The following ZBTB7B variants were observed in gnomAD, a reference collection of about 807,000 sequenced individuals.
The protein encoded by ZBTB7B is zinc finger and BTB domain-containing protein 7B.
ZBTB7B carries 8 observed loss-of-function variants against 31.0 expected under a neutral mutation model. The observed-to-expected ratio is 0.26, with a 90% confidence interval of 0.15 to 0.47. The LOEUF (loss-of-function observed/expected upper bound fraction) is 0.47. Ranked by LOEUF, ZBTB7B falls within the 20% of genes least tolerant of loss-of-function variation. The probability of loss-of-function intolerance (pLI) is 0.99; values close to 1 mark genes in which losing one functional copy is unlikely to be tolerated. For synonymous variants in ZBTB7B, 261 were observed against 307.3 expected, an observed-to-expected ratio of 0.85 and a Z score of 1.58; for missense variants, 494 against 742.4, an observed-to-expected ratio of 0.67 and a Z score of 3.89.
chr1:155,005,608 G>A (rs1045953069), intron 1 of ZBTB7B, among the ~76,000 whole-genome samples: 4 of 152,226 alleles, frequency 2.6e-5, no homozygotes, highest in Admixed American at 1.3e-4. Context: ...TCCTGCCTCT[G>A]CCCCGCTTGG....
Position 155,018,003 on chromosome 1 carries a change from G to A in ZBTB7B, c.*1318G>A, listed in dbSNP as rs1366149387. On this transcript the variant is annotated 3_prime_UTR_variant, in exon 3 of 3. Coordinates refer to ENST00000535420, the MANE Select transcript of ZBTB7B (RefSeq NM_001256455.2). ...ACTACCCAATTCTGCTGGGGGTGGG[G>A]GACACCCCCCCTTCCTCGCTGGGTG... is the stretch of plus-strand genomic sequence containing the variant. 2 of 157,870 alleles carry A rather than the reference G, an allele frequency of 1.3e-5. No individual in the cohort carries two copies. The highest frequency in any genetic ancestry group is 6.1e-5 in the Admixed American group (1 of 16,430). The allele number at this position is 157,870 out of a possible 1,614,324, so 9.8% of individuals were successfully genotyped here.
Position 155,017,074 on chromosome 1 carries a change from T to C in ZBTB7B, c.*389T>C. 5.5e-6 allele frequency: 1 copy of C among 183,168 alleles called. No individual in the cohort carries two copies. The highest frequency in any genetic ancestry group is 1.1e-5 in the Non-Finnish European group (1 of 87,516). The allele number at this position is 183,168 out of a possible 1,614,324, so 11.3% of individuals were successfully genotyped here. ...AGCCTTGCCCCGCCCCTATGCCCCT[T>C]GGGGGTTTTGGCTGTGTAAGGGGGT... On this transcript the variant is annotated 3_prime_UTR_variant, in exon 3 of 3. Transcript: ENST00000535420.
intron 1 of ZBTB7B, among the ~76,000 whole-genome samples, chr1:155,009,497 G>A (rs1473833936): frequency 6.6e-6 from 1 of 152,130 alleles, no homozygotes; most frequent in East Asian, 1.9e-4. Context: ...GCCAGAGTCT[G>A]TCCAAGTGGA....
rs1176622436 is a variant in ZBTB7B, at chr1:155,016,784, G to A, written c.*99G>A. On this transcript the variant is annotated 3_prime_UTR_variant, in exon 3 of 3. Transcript: ENST00000535420. The surrounding 1 kb of genome is among the most constrained non-coding windows in gnomAD (Gnocchi z 4.3). ...AGACACAGCAGGGGTCTGGGGCACGGAGCCTTGCTGGCATCAGCATCAGCC... is the reference window on the plus strand; with the variant it reads ...AGACACAGCAGGGGTCTGGGGCACGAAGCCTTGCTGGCATCAGCATCAGCC... 4.3e-6 allele frequency: 3 copies of A among 694,068 alleles called. No homozygotes were observed. Among genetic ancestry groups the A allele is most frequent in the African/African-American group, 1.8e-5 (1 of 55,316 alleles). The allele number at this position is 694,068 out of a possible 1,614,324, so 43.0% of individuals were successfully genotyped here. A position where few individuals can be genotyped will look rare whatever the true frequency, so the allele number is the denominator to read the frequency against.
chr1:155,017,362 G>GCTACT lies in ZBTB7B; in HGVS notation c.*677_*678insCTACT. On this transcript the variant is annotated 3_prime_UTR_variant, in exon 3 of 3. Transcript: ENST00000535420. ...CGCCTGCCCCTGGGGGCAGTAGAGG[G>GCTACT]GCCCCGCCCAGCTAGGGGAGCCGCT... 1 of 152,588 alleles carries GCTACT rather than the reference G, an allele frequency of 6.6e-6. No individual in the cohort carries two copies. Among genetic ancestry groups the GCTACT allele is most frequent in the South Asian group, 2.1e-4 (1 of 4,848 alleles). The allele number at this position is 152,588 out of a possible 1,614,324, so 9.5% of individuals were successfully genotyped here. A position where few individuals can be genotyped will look rare whatever the true frequency, so the allele number is the denominator to read the frequency against.
At chr1:155,011,039 G>C (rs1174816765) in intron 1 of ZBTB7B, 17 of 1,519,946 alleles carry the variant, frequency 1.1e-5, no homozygotes, top group Non-Finnish European at 1.4e-5. Context: ...AACCTGGGGA[G>C]GGGGGGCTCT....
At chr1:155,010,814 G>A (rs1217886912) in intron 1 of ZBTB7B, 2 of 936,934 alleles carry the variant, frequency 2.1e-6, no homozygotes, top group South Asian at 1.5e-5. Flanking sequence ...TTGGGGTGGG[G>A]GGGTGGAGGG....
chr1:155,002,988 C>T (rs1658329653), intron 1 of ZBTB7B, 45 bp downstream of exon 1: 1 of 152,804 alleles, frequency 6.5e-6, no homozygotes, highest in African/African-American at 2.4e-5. Context: ...GTTCACTAGG[C>T]TCGAGACTAC....
chr1:155,002,663 A>G (rs1434747386), upstream of ZBTB7B: 1 of 100,572 alleles, frequency 9.9e-6, no homozygotes, highest in Non-Finnish European at 1.9e-5. Flanking sequence ...AGCAAGCTGG[A>G]GGACAGGTGA....
chr1:155,017,048 A>C lies in ZBTB7B; in HGVS notation c.*363A>C. On this transcript the variant is annotated 3_prime_UTR_variant, in exon 3 of 3. Transcript: ENST00000535420. ...TCTAGGGGGTGGGGGCTTGGGACCA[A>C]AGCCTTGCCCCGCCCCTATGCCCCT... 4.9e-6 allele frequency: 1 copy of C among 203,784 alleles called. No homozygotes were observed. The highest frequency in any genetic ancestry group is 1.0e-5 in the Non-Finnish European group (1 of 100,172). The allele number at this position is 203,784 out of a possible 1,614,324, so 12.6% of individuals were successfully genotyped here. A position where few individuals can be genotyped will look rare whatever the true frequency, so the allele number is the denominator to read the frequency against.
rs564543361 is a variant in ZBTB7B at position 155,014,883 on chromosome 1, G to A, written c.223G>A (p.Gly75Arg). ...CGGTGGCGGAGCTGTCATGGGGGCC[G>A]GGGGTAGCGGGACGGCCACTGGGGG... The part of the protein sequence containing the change: ...EGGGGAVMGA[G>R]GSGTATGGAG... The change falls in exon 2 of 3, where the codon GGG becomes AGG. Residue 75 changes from glycine (G) to arginine (R), a missense_variant. Gly to Arg is a moderately radical substitution (Grantham distance 125, BLOSUM62 -2). Transcript: ENST00000535420. 12 of 1,613,950 alleles carry A rather than the reference G, an allele frequency of 7.4e-6. No individual in the cohort carries two copies. Among genetic ancestry groups the A allele is most frequent in the South Asian group, 5.5e-5 (5 of 91,086 alleles).
rs903500345 is a variant in ZBTB7B at position 155,003,518 on chromosome 1, G to A, written c.-7+575G>A. 1.3e-5 allele frequency among the ~76,000 whole-genome samples: 2 copies of A among 152,136 alleles called. No individual in the cohort carries two copies. The highest frequency in any genetic ancestry group is 4.8e-5 in the African/African-American group (2 of 41,418). On this transcript the variant is annotated intron_variant, in intron 1 of 2. Coordinates refer to ENST00000535420, the MANE Select transcript of ZBTB7B (RefSeq NM_001256455.2). This position sits in a 1 kb window ranked among gnomAD's most constrained non-coding sequence, Gnocchi z 5.8. ...AGCCGCGCTCTCTCCAGCGGTAGTG[G>A]GGCTCAGCAACAACCTCTGAACCGA...
chr1:155,009,719 C>T (rs917891186), intron 1 of ZBTB7B, among the ~76,000 whole-genome samples: 3 of 152,106 alleles, frequency 2.0e-5, no homozygotes, highest in Non-Finnish European at 2.9e-5. Flanking sequence ...GTGCCCTAAA[C>T]TCAACCATCT....
In ZBTB7B at chr1:155,016,264, G is replaced by A; in HGVS notation, c.1199G>A (p.Arg400His). 1 of 1,613,856 alleles carries A rather than the reference G, an allele frequency of 6.2e-7. No individual in the cohort carries two copies. The highest frequency in any genetic ancestry group is 8.5e-7 in the Non-Finnish European group (1 of 1,179,842). ...KIHMRKHTGE[R>H]PYSCPHCPAR... ...CACATGCGGAAGCACACGGGAGAGC[G>A]CCCCTACTCATGCCCGCACTGCCCA... The change falls in exon 3 of 3, where the codon CGC becomes CAC. Residue 400 changes from arginine to histidine, a missense_variant. Physicochemically the swap from Arg to His is conservative, Grantham distance 29 (BLOSUM62 0). Coordinates refer to ENST00000535420, the MANE Select transcript of ZBTB7B (RefSeq NM_001256455.2). The surrounding 1 kb of genome is among the most constrained non-coding windows in gnomAD (Gnocchi z 4.3).
At chr1:155,009,082 GA>G (rs545019085) in intron 1 of ZBTB7B, among the ~76,000 whole-genome samples, 68 of 152,364 alleles carry the variant, frequency 4.5e-4, no homozygotes, top group African/African-American at 1.4e-3. Context: ...AACAGGTCAG[GA>G]AGAGGGTGCC....
At position 155,004,335 on chromosome 1, in the gene ZBTB7B, A is replaced by C. The variant is rs2102269498; in HGVS notation, c.-7+1392A>C. Among the ~76,000 whole-genome samples the C allele has an allele frequency of 6.6e-6, 1 of 152,250 alleles. No individual in the cohort carries two copies. Among genetic ancestry groups the C allele is most frequent in the East Asian group, 1.9e-4 (1 of 5,190 alleles). On this transcript the variant is annotated intron_variant, in intron 1 of 2. Transcript: ENST00000535420. This position sits in a 1 kb window ranked among gnomAD's most constrained non-coding sequence, Gnocchi z 4.0. ...CAGCTATTCCCCCTTCCCCCAACTT[A>C]TTCCTGGAGGAGGGAGACCGCTTAT...
chr1:155,016,463 T>C lies in ZBTB7B; in HGVS notation c.1398T>C (p.Asp466=), dbSNP rs368972497. Residue 466 remains aspartate, a synonymous_variant, in exon 3 of 3, where the codon GAT becomes GAC. Transcript: ENST00000535420. This position sits in a 1 kb window ranked among gnomAD's most constrained non-coding sequence, Gnocchi z 4.3. ...GCACCCGACGGCGCCGCAAGGACGA[T>C]GCACCACCCCACTACCCACCACCCT... is the stretch of plus-strand genomic sequence containing the variant. The part of the protein sequence containing the change: ...EVRTRRRRKD[D]APPHYPPPST... 4.1e-5 allele frequency: 66 copies of C among 1,614,034 alleles called. No homozygotes were observed. Among genetic ancestry groups the C allele is most frequent in the Non-Finnish European group, 5.1e-5 (60 of 1,179,958 alleles).
chr1:155,002,729 A>C (rs2102263945), upstream of ZBTB7B: 1 of 117,784 alleles, frequency 8.5e-6, no homozygotes, highest in Non-Finnish European at 1.8e-5. Context: ...AGCCAGGTGA[A>C]TGTACGGCTC....
At position 155,014,882 on chromosome 1, in the gene ZBTB7B, C is replaced by T. The variant is rs761468772; in HGVS notation, c.222C>T (p.Ala74=). The change falls in exon 2 of 3, where the codon GCC becomes GCT. Residue 74 remains alanine (A), a synonymous_variant. Coordinates refer to ENST00000535420, the MANE Select transcript of ZBTB7B (RefSeq NM_001256455.2). ...GCGGTGGCGGAGCTGTCATGGGGGC[C>T]GGGGGTAGCGGGACGGCCACTGGGG... is the stretch of plus-strand genomic sequence containing the variant. ...TEGGGGAVMG[A]GGSGTATGGA... 7.4e-6 allele frequency: 12 copies of T among 1,613,832 alleles called. No homozygotes were observed. The highest frequency in any genetic ancestry group is 4.0e-5 in the African/African-American group (3 of 74,860).
Sources: gnomAD v4.1 joint callset for allele counts (sites outside exome capture counted in the v4.1 genomes callset) on GRCh38, gnomAD v4.1.1 for gene constraint, Gnocchi (gnomAD v3.1) non-coding constraint, MANE v1.5 for transcripts, NCBI Gene and HGNC (gene_info 2026-07-23, HGNC 2026-07-21) for gene names.